CDH22: variants seen among roughly 807,000 people sequenced by gnomAD.
The protein encoded by CDH22 is cadherin 22.
Under a neutral mutation model 58.4 loss-of-function variants are expected in CDH22, and 30 were observed. That is an observed-to-expected ratio of 0.51 (90% CI 0.38 to 0.70). The LOEUF is 0.70. Among genes scored for constraint, CDH22 ranks in the 30% least tolerant of loss-of-function variants. CDH22 has a pLI of 0.00. For missense variants in CDH22, 1,014 were observed against 1,233.9 expected (o/e 0.82, Z 2.67); for synonymous variants, 513 against 558.2 (o/e 0.92, Z 1.14).
Position 46,213,202 on chromosome 20 carries a change from G to T in CDH22, c.839-14C>A, listed in dbSNP as rs761393850. 1 of 1,612,698 alleles carries T rather than the reference G, an allele frequency of 6.2e-7. No individual in the cohort carries two copies. Among genetic ancestry groups the T allele is most frequent in the Admixed American group, 1.7e-5 (1 of 59,990 alleles). On this transcript the variant is annotated splice_polypyrimidine_tract_variant and intron_variant, in intron 5 of 11. Coordinates refer to ENST00000537909, the MANE Select transcript of CDH22 (RefSeq NM_021248.3). ...ACTGGTACATCTCTGTGGGGGACAC[G>T]GCCATGAGCAGGGATGAAGGCAGCC...
At chr20:46,213,853 A>C (rs2145692625) in intron 5 of CDH22, among the ~76,000 whole-genome samples, 1 of 152,322 alleles carries the variant, frequency 6.6e-6, no homozygotes, top group South Asian at 2.1e-4. Flanking sequence ...CCAAAATCTC[A>C]GCTCTCATGT....
intron 2 of CDH22, among the ~76,000 whole-genome samples, chr20:46,249,126 C>T (rs2086351800): frequency 6.6e-6 from 1 of 152,204 alleles, no homozygotes; most frequent in South Asian, 2.1e-4. Flanking sequence ...GATGAAGAGA[C>T]TGAGTGTTGG....
At position 46,300,227 on chromosome 20, in the gene CDH22, G is replaced by C. The variant is rs889071444; in HGVS notation, c.-400+8028C>G. Among the ~76,000 whole-genome samples, 2 of 152,100 alleles carry C rather than the reference G, an allele frequency of 1.3e-5. No homozygotes were observed. Among genetic ancestry groups the C allele is most frequent in the African/African-American group, 4.8e-5 (2 of 41,422 alleles). On this transcript the variant is annotated intron_variant, in intron 1 of 11. Transcript: ENST00000537909. This position sits in a 1 kb window ranked among gnomAD's most constrained non-coding sequence, Gnocchi z 4.4. ...CCTTGGCAACCTCCTGGCCTGGGGG[G>C]TGGGCTGCCTCTCCCAGGAACTCTC...
Position 46,241,591 on chromosome 20 carries a change from C to T in CDH22, c.256-334G>A, listed in dbSNP as rs1375660960. Among the ~76,000 whole-genome samples, 1 of 152,214 alleles carries T rather than the reference C, an allele frequency of 6.6e-6. No individual in the cohort carries two copies. Among genetic ancestry groups the T allele is most frequent in the Non-Finnish European group, 1.5e-5 (1 of 68,036 alleles). On this transcript the variant is annotated intron_variant, in intron 2 of 11. Transcript: ENST00000537909. This position sits in a 1 kb window ranked among gnomAD's most constrained non-coding sequence, Gnocchi z 5.2. ...TTCACAAAGAAGTCCAGCACCACCT[C>T]CACACCTCTCTCCCCTTTAGCACGC... is the stretch of plus-strand genomic sequence containing the variant.
chr20:46,263,567 A>G (rs1258541735), intron 1 of CDH22, among the ~76,000 whole-genome samples: 2 of 152,324 alleles, frequency 1.3e-5, no homozygotes, highest in Non-Finnish European at 1.5e-5. Context: ...TATAGGGGAC[A>G]CTACCTCATT....
At chr20:46,273,577 C>G (rs1402684888) in intron 1 of CDH22, among the ~76,000 whole-genome samples, 1 of 152,230 alleles carries the variant, frequency 6.6e-6, no homozygotes, top group Non-Finnish European at 1.5e-5. Flanking sequence ...CATCAAACAT[C>G]ACACTCACAG....
chr20:46,195,416 G>C (rs1326433673), intron 8 of CDH22, among the ~76,000 whole-genome samples: 1 of 152,214 alleles, frequency 6.6e-6, no homozygotes, highest in Non-Finnish European at 1.5e-5. Context: ...GGAAAAGCAG[G>C]GTGCTGTGAG....
At chr20:46,294,501 G>A (rs895004227) in intron 1 of CDH22, among the ~76,000 whole-genome samples, 1 of 152,184 alleles carries the variant, frequency 6.6e-6, no homozygotes, top group African/African-American at 2.4e-5. Flanking sequence ...TGAGAGACAA[G>A]TTAACAGCTC....
intron 1 of CDH22, among the ~76,000 whole-genome samples, chr20:46,297,140 C>A (rs2086632393): frequency 6.6e-6 from 1 of 152,140 alleles, no homozygotes; most frequent in East Asian, 1.9e-4. Flanking sequence ...AGGGCTGGTA[C>A]CCTGGGACAG....
chr20:46,247,639 C>T (rs937469991), intron 2 of CDH22, among the ~76,000 whole-genome samples: 2 of 152,094 alleles, frequency 1.3e-5, no homozygotes, highest in African/African-American at 4.8e-5. Flanking sequence ...GTCCTGGAAC[C>T]AATCCCCCAT....
chr20:46,213,770 C>A (rs2086061787), intron 5 of CDH22, among the ~76,000 whole-genome samples: 2 of 152,164 alleles, frequency 1.3e-5, no homozygotes, highest in African/African-American at 4.8e-5. Context: ...TCAATGTATA[C>A]ATTGAGCACC....
At chr20:46,283,122 A>G (rs1229997783) in intron 1 of CDH22, among the ~76,000 whole-genome samples, 1 of 152,244 alleles carries the variant, frequency 6.6e-6, no homozygotes, top group Non-Finnish European at 1.5e-5. Flanking sequence ...CCCCACATCC[A>G]GTTATGGCAA....
At chr20:46,285,205 T>C (rs1328635672) in intron 1 of CDH22, among the ~76,000 whole-genome samples, 2 of 152,226 alleles carry the variant, frequency 1.3e-5, no homozygotes, top group African/African-American at 2.4e-5. Flanking sequence ...TGCCTGGTGA[T>C]TGGCTCTGCC....
intron 1 of CDH22, among the ~76,000 whole-genome samples, chr20:46,286,794 C>A (rs1243622044): frequency 6.6e-6 from 1 of 152,196 alleles, no homozygotes; most frequent in Non-Finnish European, 1.5e-5. Flanking sequence ...ACATCCTTAT[C>A]TGAGCTCTGC....
chr20:46,269,477 T>C (rs1407469954), intron 1 of CDH22, among the ~76,000 whole-genome samples: 1 of 152,246 alleles, frequency 6.6e-6, no homozygotes. Flanking sequence ...CATTCACGAA[T>C]GTAATCCATT....
chr20:46,252,569 C>T (rs937701049), intron 1 of CDH22, among the ~76,000 whole-genome samples: 5 of 152,210 alleles, frequency 3.3e-5, no homozygotes, highest in South Asian at 4.1e-4. Context: ...CAGGGGACAG[C>T]GATGCTGCTT....
At position 46,175,889 on chromosome 20, in the gene CDH22, C is replaced by T. The variant is rs575091753; in HGVS notation, c.1916-812G>A. 8.5e-5 allele frequency among the ~76,000 whole-genome samples: 13 copies of T among 152,328 alleles called. No homozygotes were observed. The South Asian group carries it at 2.3e-3, about 27-fold the overall frequency. ...AGGTCTGTCTCCACCCCAAAACACACACCCTAAGCTAGGACCTGGGAAATG... is the reference window on the plus strand; with the variant it reads ...AGGTCTGTCTCCACCCCAAAACACATACCCTAAGCTAGGACCTGGGAAATG... On this transcript the variant is annotated intron_variant, in intron 11 of 11. Coordinates refer to ENST00000537909, the MANE Select transcript of CDH22 (RefSeq NM_021248.3).
At chr20:46,239,015 T>C (rs1310191350) in intron 3 of CDH22, among the ~76,000 whole-genome samples, 1 of 152,248 alleles carries the variant, frequency 6.6e-6, no homozygotes, top group African/African-American at 2.4e-5. Flanking sequence ...GGCCTTTGCA[T>C]GTGCCATTCC....
At chr20:46,205,922 C>T (rs1035916813) in intron 7 of CDH22, among the ~76,000 whole-genome samples, 1 of 152,206 alleles carries the variant, frequency 6.6e-6, no homozygotes, top group African/African-American at 2.4e-5. Flanking sequence ...CACACTCTCC[C>T]CATTCCAAGC....
Sources: allele counts gnomAD v4.1 joint callset (sites outside exome capture counted in the v4.1 genomes callset), GRCh38; gene constraint gnomAD v4.1.1; non-coding constraint Gnocchi (gnomAD v3.1); transcripts MANE v1.5; gene names NCBI Gene and HGNC (gene_info 2026-07-23, HGNC 2026-07-21).